The following SLC38A11 variants were observed in gnomAD, a reference collection of about 807,000 sequenced individuals.
The protein encoded by SLC38A11 is solute carrier family 38 member 11, also known as putative sodium-coupled neutral amino acid transporter 11.
In SLC38A11, 51 loss-of-function variants were observed where a neutral mutation model predicts 49.4. The observed-to-expected ratio is 1.03, with a 90% CI of 0.83 to 1.30. The LOEUF (loss-of-function observed/expected upper bound fraction) is 1.30, where lower values mean the gene tolerates loss of function less well. SLC38A11 is among the 50% of genes most tolerant of loss of function. The pLI, the probability that SLC38A11 is intolerant of heterozygous loss-of-function variation, is 0.00. For synonymous variants in SLC38A11, 203 were observed against 192.9 expected, an observed-to-expected ratio of 1.05 and a Z score of -0.43; for missense variants, 574 against 556.2, an observed-to-expected ratio of 1.03 and a Z score of -0.32.
rs762788789 is a variant in SLC38A11, at chr2:164,945,620, C to T, written c.337G>A (p.Val113Ile). ...ATAAAAGGATACAAAAACTGAAGAACAGAGAGGAGCAGATACCCTGGAAAG... is the reference window on the plus strand; with the variant it reads ...ATAAAAGGATACAAAAACTGAAGAATAGAGAGGAGCAGATACCCTGGAAAG... ...FGFPGYLLLS[V>I]LQFLYPFIAM... is the part of the protein sequence containing the mutation. Residue 113 changes from valine to isoleucine, a missense_variant, in exon 4 of 12, where the codon GTT (valine) becomes ATT (isoleucine). Coordinates refer to ENST00000685975, the MANE Select transcript of SLC38A11 (RefSeq NM_001351537.2). The T allele has an allele frequency of 2.5e-6, 4 of 1,604,692 alleles. No individual in the cohort carries two copies. The highest frequency in any genetic ancestry group is 2.2e-5 in the East Asian group (1 of 44,630).
At chr2:164,949,952 A>ATTGTAGAGT (rs1688409709) in intron 3 of SLC38A11, 1 of 152,042 alleles carries the variant, frequency 6.6e-6, no homozygotes, top group Admixed American at 6.6e-5. Context: ...GAATGTTTTG[A>ATTGTAGAGT]TTGTGGAGTT....
In SLC38A11 at chr2:164,897,296, C is replaced by T. The variant is rs566379951; in HGVS notation, c.*1141G>A. The stretch of plus-strand genomic sequence containing the variant: ...GGGTTTGCTCTGCTGCAAAGAGCTG[C>T]CTAGCCCAAGAACTCATCCTTCTCC... On this transcript the variant is annotated 3_prime_UTR_variant, in exon 12 of 12. Transcript: ENST00000685975. 115 of 152,276 alleles carry T rather than the reference C, an allele frequency of 7.6e-4. 2 individuals carry two copies. Among genetic ancestry groups the T allele is most frequent in the Non-Finnish European group, 9.5e-4 (65 of 68,066 alleles). 9.4% of individuals were successfully genotyped at this position (152,276 alleles called of 1,614,324 possible).
At chr2:164,950,564 A>G (rs1688453026) in intron 3 of SLC38A11, among the ~76,000 whole-genome samples, 1 of 152,222 alleles carries the variant, frequency 6.6e-6, no homozygotes, top group African/African-American at 2.4e-5. Flanking sequence ...ATTGTATGCA[A>G]CCTTTTTAAA....
At chr2:164,939,867 T>C (rs1687631701) in intron 5 of SLC38A11, among the ~76,000 whole-genome samples, 1 of 151,994 alleles carries the variant, frequency 6.6e-6, no homozygotes, top group Admixed American at 6.6e-5. Context: ...AGTACACTCT[T>C]AATCCAGAAA....
At chr2:164,903,517 T>C (rs1684798489) in intron 11 of SLC38A11, among the ~76,000 whole-genome samples, 1 of 152,210 alleles carries the variant, frequency 6.6e-6, no homozygotes, top group African/African-American at 2.4e-5. Context: ...ACTTTCTTGA[T>C]ATTTAAAAGC....
chr2:164,948,303 T>A (rs764185624), intron 3 of SLC38A11, among the ~76,000 whole-genome samples: 19 of 152,224 alleles, frequency 1.2e-4, no homozygotes, highest in Admixed American at 5.9e-4. Flanking sequence ...CAGATAATAA[T>A]GATAACAACC....
At chr2:164,920,595 A>T (rs79323957) in intron 7 of SLC38A11, among the ~76,000 whole-genome samples, 3 of 152,172 alleles carry the variant, frequency 2.0e-5, no homozygotes, top group Non-Finnish European at 4.4e-5. Flanking sequence ...TGTGATGACT[A>T]TTGAGAGTAG....
rs1272722657 is a variant in SLC38A11 at position 164,904,955 on chromosome 2, A to AT, written c.1095+3684dup. On this transcript the variant is annotated intron_variant, in intron 11 of 11. Transcript: ENST00000685975. ...TCCAAATGCCTGTGTTCAAATCTGT[A>AT]TTTTTTTACTTGTAACTAGTATGAC... is the stretch of plus-strand genomic sequence containing the variant. 9.9e-5 allele frequency among the ~76,000 whole-genome samples: 15 copies of AT among 152,126 alleles called. No homozygotes were observed. In the East Asian group the frequency reaches 2.7e-3, roughly 27 times the overall value.
rs552621879 is a variant in SLC38A11, at chr2:164,913,845, T to C, written c.850+1267A>G. Among the ~76,000 whole-genome samples the C allele has an allele frequency of 2.0e-5, 3 of 152,194 alleles. No individual in the cohort carries two copies. In the Middle Eastern group the frequency reaches 0.01, roughly 518 times the overall value. ...ACTGCACTCTAGTGGCACAGGCATG[T>C]ATTATATTTTTGACTGCATTTGAAT... On this transcript the variant is annotated intron_variant, in intron 9 of 11. Transcript: ENST00000685975.
intron 9 of SLC38A11, among the ~76,000 whole-genome samples, chr2:164,913,246 A>G (rs944738470): frequency 6.6e-6 from 1 of 152,026 alleles, no homozygotes; most frequent in Non-Finnish European, 1.5e-5. Flanking sequence ...ACACAAAGTA[A>G]GGTGGCAGAA....
chr2:164,901,806 G>A (rs192527745), intron 11 of SLC38A11, among the ~76,000 whole-genome samples: 108 of 152,132 alleles, frequency 7.1e-4, no homozygotes, highest in African/African-American at 2.1e-3. Flanking sequence ...GAGAAGTGGC[G>A]AGAGTGGGTA....
At position 164,955,326 on chromosome 2, in the gene SLC38A11, C is replaced by T. The variant is rs866735434; in HGVS notation, c.-79G>A. On this transcript the variant is annotated 5_prime_UTR_variant, in exon 1 of 12. Coordinates refer to ENST00000685975, the MANE Select transcript of SLC38A11 (RefSeq NM_001351537.2). ...GCACCCGGCCAGCCTCCTCCGCCAC[C>T]TCGCACACAGCCGAGGTCCGCGTGT... The T allele has an allele frequency of 2.6e-4, 349 of 1,364,126 alleles. No homozygotes were observed. In the Middle Eastern group the frequency reaches 3.8e-3, roughly 15 times the overall value. The allele number at this position is 1,364,126 out of a possible 1,614,324, so 84.5% of individuals were successfully genotyped here.
chr2:164,921,751 T>C (rs1686222539), intron 7 of SLC38A11, among the ~76,000 whole-genome samples: 1 of 152,184 alleles, frequency 6.6e-6, no homozygotes, highest in Non-Finnish European at 1.5e-5. Flanking sequence ...AGGCAAATAA[T>C]GGTTACTGTA....
At chr2:164,934,896 T>C (rs938312912) in intron 7 of SLC38A11, among the ~76,000 whole-genome samples, 2 of 152,096 alleles carry the variant, frequency 1.3e-5, no homozygotes, top group Non-Finnish European at 2.9e-5. Flanking sequence ...TAAATAAATA[T>C]CAGTAGAATC....
Position 164,955,236 on chromosome 2 carries a change from C to T in SLC38A11, c.12G>A (p.Gln4=). MGY[Q]RQEPVIPPQR... is the part of the protein sequence containing the mutation. ...GCGGCGGGATGACAGGCTCCTGCCT[C>T]TGGTAGCCCATGGCTGAGCGGTGGT... Residue 4 remains glutamine (Q), a synonymous_variant, in exon 1 of 12, where the codon CAG becomes CAA. Transcript: ENST00000685975. 1 of 1,550,594 alleles carries T rather than the reference C, an allele frequency of 6.4e-7. No individual in the cohort carries two copies. The highest frequency in any genetic ancestry group is 8.7e-7 in the Non-Finnish European group (1 of 1,146,992).
intron 3 of SLC38A11, among the ~76,000 whole-genome samples, chr2:164,946,850 G>A (rs1050665779): frequency 6.6e-6 from 1 of 152,054 alleles, no homozygotes; most frequent in Non-Finnish European, 1.5e-5. Flanking sequence ...TCCCATATCA[G>A]TGAAACTTCT....
chr2:164,922,634 A>G (rs1033981523), intron 7 of SLC38A11, among the ~76,000 whole-genome samples: 1 of 152,244 alleles, frequency 6.6e-6, no homozygotes, highest in African/African-American at 2.4e-5. Flanking sequence ...TGGAAGAATC[A>G]ATATCATTAA....
In SLC38A11 at chr2:164,898,515, G is replaced by A. The variant is rs769554564; in HGVS notation, c.1311C>T (p.Phe437=). The A allele has an allele frequency of 3.1e-6, 5 of 1,613,494 alleles. No homozygotes were observed. The highest frequency in any genetic ancestry group is 2.5e-6 in the Non-Finnish European group (3 of 1,179,634). ...QEMFYCFPDN[F]SLTNTSESHV... is the part of the protein sequence containing the mutation. ...GAGACTCTGAGGTATTTGTGAGAGA[G>A]AAATTGTCAGGAAAGCAGTAGAACA... Residue 437 remains phenylalanine (F), a synonymous_variant, in exon 12 of 12, where the codon TTC becomes TTT. Transcript: ENST00000685975.
chr2:164,933,335 A>G (rs1687140378), intron 7 of SLC38A11, among the ~76,000 whole-genome samples: 1 of 152,082 alleles, frequency 6.6e-6, no homozygotes, highest in African/African-American at 2.4e-5. Context: ...ACACTTTCTG[A>G]AAAGCAATTA....
Sources: allele counts gnomAD v4.1 joint callset (sites outside exome capture counted in the v4.1 genomes callset), GRCh38; gene constraint gnomAD v4.1.1; transcripts MANE v1.5; gene names NCBI Gene and HGNC (gene_info 2026-07-23, HGNC 2026-07-21).